Variants in CACNA2D3 observed in about 807,000 individuals in gnomAD.
CACNA2D3 encodes calcium voltage-gated channel auxiliary subunit alpha2delta 3.
CACNA2D3 carries 60 observed loss-of-function variants against 160.6 expected under a neutral mutation model. The ratio of observed to expected loss-of-function variants is 0.37; its 90% CI spans 0.30 to 0.46. The LOEUF is 0.46. Among genes scored for constraint, CACNA2D3 ranks in the 20% least tolerant of loss-of-function variants. The pLI, the probability that CACNA2D3 is intolerant of heterozygous loss-of-function variation, is 1.00. For synonymous variants in CACNA2D3, 558 were observed against 492.9 expected (o/e 1.13, Z -1.75); for missense variants, 1,205 against 1,365.0 (o/e 0.88, Z 1.85).
intron 2 of CACNA2D3, among the ~76,000 whole-genome samples, chr3:54,288,675 C>A (rs928505283): frequency 6.6e-6 from 1 of 152,088 alleles, no homozygotes; most frequent in African/African-American, 2.4e-5. Context: ...TATCCTCAAT[C>A]AAATACTGGC....
chr3:54,876,294 T>C (rs1306297916), intron 18 of CACNA2D3: 4 of 152,222 alleles, frequency 2.6e-5, no homozygotes, highest in Admixed American at 1.3e-4. Flanking sequence ...GTTGCTCCTC[T>C]TCTCAAGCCG....
chr3:54,290,170 G>A (rs1419230656), intron 2 of CACNA2D3, among the ~76,000 whole-genome samples: 3 of 152,034 alleles, frequency 2.0e-5, no homozygotes, highest in Non-Finnish European at 4.4e-5. Context: ...CTGACAAAGG[G>A]CTAATATCCA....
At chr3:55,002,447 G>C (rs761326225) in intron 31 of CACNA2D3, among the ~76,000 whole-genome samples, 1 of 152,222 alleles carries the variant, frequency 6.6e-6, no homozygotes, top group Non-Finnish European at 1.5e-5. Flanking sequence ...GGGCCAGTCA[G>C]GGACCAATTA....
chr3:55,046,527 T>G (rs1357127815), intron 35 of CACNA2D3, among the ~76,000 whole-genome samples: 1 of 56,498 alleles, frequency 1.8e-5, no homozygotes, highest in Admixed American at 2.0e-4. Flanking sequence ...GTTCCAAGTC[T>G]TTGCTATTGT....
intron 4 of CACNA2D3, among the ~76,000 whole-genome samples, chr3:54,441,078 G>A (rs1191043172): frequency 6.6e-6 from 1 of 152,040 alleles, no homozygotes; most frequent in African/African-American, 2.4e-5. Flanking sequence ...TTCCACAATG[G>A]TTGAACTAGT....
At chr3:54,319,646 C>T (rs557408055) in intron 2 of CACNA2D3, among the ~76,000 whole-genome samples, 1 of 152,224 alleles carries the variant, frequency 6.6e-6, no homozygotes, top group East Asian at 1.9e-4. Context: ...TCTCAGGACC[C>T]TTTACACTCT....
intron 4 of CACNA2D3, among the ~76,000 whole-genome samples, chr3:54,467,958 G>T (rs1305327877): frequency 6.6e-6 from 1 of 152,170 alleles, no homozygotes; most frequent in Non-Finnish European, 1.5e-5. Context: ...CACAGTGTAT[G>T]CATGTGTCAA....
chr3:54,309,177 T>C (rs1222665744), intron 2 of CACNA2D3, among the ~76,000 whole-genome samples: 14 of 152,232 alleles, frequency 9.2e-5, no homozygotes, highest in Non-Finnish European at 1.8e-4. Flanking sequence ...AAAATAAGCA[T>C]TGAGACTGTT....
chr3:54,863,012 A>C (rs1345212527), intron 17 of CACNA2D3, among the ~76,000 whole-genome samples: 1 of 152,224 alleles, frequency 6.6e-6, no homozygotes, highest in African/African-American at 2.4e-5. Context: ...AAAGTTCTGT[A>C]AATTTTTTAA....
intron 32 of CACNA2D3, among the ~76,000 whole-genome samples, 162 bp downstream of exon 32, chr3:55,005,000 G>A (rs1703061549): frequency 6.6e-6 from 1 of 151,944 alleles, no homozygotes; most frequent in Non-Finnish European, 1.5e-5. Context: ...TTCAGGCCGG[G>A]CGCGGCAGCT....
At chr3:54,338,995 A>G (rs1027265637) in intron 3 of CACNA2D3, among the ~76,000 whole-genome samples, 17 of 152,334 alleles carry the variant, frequency 1.1e-4, no homozygotes, top group African/African-American at 3.8e-4. Flanking sequence ...TTCGCAGTCT[A>G]TAGAATGTAT....
rs117395094 is a variant in CACNA2D3 at position 54,320,669 on chromosome 3, T to A, written c.321+111T>A. ...GATAAAAGTTGACTCACGCATCTAT[T>A]ACGTAAATACTTTTATTTTTACAGT... On this transcript the variant is annotated intron_variant, in intron 3 of 37. Coordinates refer to ENST00000474759, the MANE Select transcript of CACNA2D3 (RefSeq NM_018398.3). 4,888 of 547,402 alleles carry A rather than the reference T, an allele frequency of 8.9e-3. 228 individuals are homozygous for A. In the East Asian group the frequency reaches 0.11, roughly 13 times the overall value. 33.9% of individuals were successfully genotyped at this position (547,402 alleles called of 1,614,324 possible).
chr3:54,364,036 G>A (rs1698788246), intron 3 of CACNA2D3, among the ~76,000 whole-genome samples: 1 of 152,174 alleles, frequency 6.6e-6, no homozygotes, highest in Non-Finnish European at 1.5e-5. Flanking sequence ...TTGAGAACAT[G>A]ATTGATTAGA....
chr3:54,789,283 A>G (rs1176805947), intron 13 of CACNA2D3, among the ~76,000 whole-genome samples: 1 of 152,216 alleles, frequency 6.6e-6, no homozygotes, highest in Non-Finnish European at 1.5e-5. Flanking sequence ...TTTTAAAAAA[A>G]CTGTGTCCTT....
At chr3:54,599,673 A>G (rs555410591) in intron 9 of CACNA2D3, among the ~76,000 whole-genome samples, 6 of 152,218 alleles carry the variant, frequency 3.9e-5, no homozygotes, top group African/African-American at 1.2e-4. Flanking sequence ...TATCCCATCA[A>G]TGCGGGGAAA....
chr3:54,193,684 C>T (rs1289208537), intron 2 of CACNA2D3, among the ~76,000 whole-genome samples: 2 of 152,152 alleles, frequency 1.3e-5, no homozygotes, highest in Non-Finnish European at 2.9e-5. Flanking sequence ...CTAGGCTGTG[C>T]CAGTCTCAGG....
At chr3:54,878,045 A>T (rs1559613783) in intron 18 of CACNA2D3, among the ~76,000 whole-genome samples, 1 of 152,202 alleles carries the variant, frequency 6.6e-6, no homozygotes, top group Non-Finnish European at 1.5e-5. Flanking sequence ...TCCAGCTAAA[A>T]ATTATGCCTT....
intron 35 of CACNA2D3, among the ~76,000 whole-genome samples, chr3:55,034,384 C>A (rs1703768242): frequency 6.6e-6 from 1 of 151,854 alleles, no homozygotes; most frequent in Non-Finnish European, 1.5e-5. Flanking sequence ...CTCTTTGTCT[C>A]TTAAGTTGTT....
At chr3:54,660,143 C>CTTTTTTTTTTTTTTTTTTT (rs34482934) in intron 11 of CACNA2D3, among the ~76,000 whole-genome samples, 1 of 142,800 alleles carries the variant, frequency 7.0e-6, no homozygotes. Context: ...CTTTTGGTTT[C>CTTTTTTTTTTTTTTTTTTT]TTTTTTTTTT....
Sources: gnomAD v4.1 joint callset for allele counts (sites outside exome capture counted in the v4.1 genomes callset) on GRCh38, gnomAD v4.1.1 for gene constraint, MANE v1.5 for transcripts, NCBI Gene and HGNC (gene_info 2026-07-23, HGNC 2026-07-21) for gene names.